The following GIT2 variants were observed in gnomAD, a reference collection of about 807,000 sequenced individuals.
GIT2 encodes ARF GTPase-activating protein GIT2.
Under a neutral mutation model 100.3 loss-of-function variants are expected in GIT2, and 32 were observed. That is an observed-to-expected ratio of 0.32 (90% confidence interval 0.24 to 0.43). The LOEUF (loss-of-function observed/expected upper bound fraction) is 0.43, where lower values mean the gene tolerates loss of function less well. GIT2 is among the 20% of genes least tolerant of loss of function. The pLI, the probability that GIT2 is intolerant of heterozygous loss-of-function variation, is 1.00. For missense variants in GIT2, 737 were observed against 975.1 expected, an observed-to-expected ratio of 0.76 and a Z score of 3.25; for synonymous variants, 353 against 364.1, an observed-to-expected ratio of 0.97 and a Z score of 0.35.
chr12:109,980,382 TTTA>T (rs1171189970), intron 7 of GIT2, among the ~76,000 whole-genome samples: 1 of 151,984 alleles, frequency 6.6e-6, no homozygotes, highest in East Asian at 1.9e-4. Context: ...GCTTTATTTA[TTTA>T]TTTATTTATT....
chr12:109,989,535 C>T (rs1888006050), intron 3 of GIT2, among the ~76,000 whole-genome samples, 155 bp downstream of exon 3: 1 of 152,216 alleles, frequency 6.6e-6, no homozygotes, highest in Non-Finnish European at 1.5e-5. Context: ...TGCCCCACCC[C>T]ATTCTGCATT....
At chr12:109,995,247 T>C (rs1889125753) in intron 1 of GIT2, among the ~76,000 whole-genome samples, 1 of 152,214 alleles carries the variant, frequency 6.6e-6, no homozygotes, top group South Asian at 2.1e-4. Context: ...AATGTGAATA[T>C]TATGTATGAA....
Position 109,933,910 on chromosome 12 carries a change from T to C in GIT2, c.2067+112A>G, listed in dbSNP as rs1872277661. The C allele has an allele frequency of 2.7e-6, 2 of 741,636 alleles. No individual in the cohort carries two copies. The highest frequency in any genetic ancestry group is 3.5e-5 in the African/African-American group (2 of 57,470). 45.9% of individuals were successfully genotyped at this position (741,636 alleles called of 1,614,324 possible). A position where few individuals can be genotyped will look rare whatever the true frequency, so the allele number is the denominator to read the frequency against. Reference sequence around the variant, plus strand: ...GCCACCACACCCGGCCTCGACTGCATATTTTAAAACTGCATGTGCTACAAA... The same window carrying C: ...GCCACCACACCCGGCCTCGACTGCACATTTTAAAACTGCATGTGCTACAAA... On this transcript the variant is annotated intron_variant, in intron 19 of 19. Coordinates refer to ENST00000355312, the MANE Select transcript of GIT2 (RefSeq NM_057169.5). The surrounding 1 kb of genome is among the most constrained non-coding windows in gnomAD (Gnocchi z 4.5).
chr12:109,988,808 G>A (rs992068451), intron 4 of GIT2, among the ~76,000 whole-genome samples, 155 bp downstream of exon 4: 2 of 142,200 alleles, frequency 1.4e-5, no homozygotes, highest in African/African-American at 2.7e-5. Context: ...AGCCAAGATC[G>A]CGCCACTGTA....
intron 4 of GIT2, among the ~76,000 whole-genome samples, chr12:109,987,210 G>C (rs1182653211): frequency 6.6e-6 from 1 of 150,592 alleles, no homozygotes; most frequent in Non-Finnish European, 1.5e-5. Context: ...GTGAAACCCT[G>C]TCTCTACTAA....
chr12:109,965,572 A>G lies in GIT2; in HGVS notation c.770T>C (p.Leu257Pro). Residue 257 changes from leucine (L) to proline (P), a missense_variant, in exon 9 of 20, where the codon CTG becomes CCG. Transcript: ENST00000355312. ...FIIPQMADSS[L>P]DLSELAKAAK... is the part of the protein sequence containing the mutation. Reference sequence around the variant, plus strand: ...AGCTTTTGCCAATTCAGACAAATCCAGGCTGCTAAGAAAACATACAAAGCT... The same window carrying G: ...AGCTTTTGCCAATTCAGACAAATCCGGGCTGCTAAGAAAACATACAAAGCT... The G allele has an allele frequency of 6.3e-7, 1 of 1,589,176 alleles. No homozygotes were observed. Among genetic ancestry groups the G allele is most frequent in the African/African-American group, 1.3e-5 (1 of 74,478 alleles).
intron 16 of GIT2, among the ~76,000 whole-genome samples, chr12:109,944,561 A>G (rs1218921228): frequency 6.6e-6 from 1 of 152,128 alleles, no homozygotes; most frequent in Non-Finnish European, 1.5e-5. Context: ...ACTTACCCAA[A>G]CGCTGTGTAT....
chr12:109,954,762 G>A (rs1878922481), intron 12 of GIT2, among the ~76,000 whole-genome samples: 1 of 151,896 alleles, frequency 6.6e-6, no homozygotes, highest in South Asian at 2.1e-4. Context: ...AGCTGGGCGT[G>A]GTGGTGCACA....
At chr12:109,944,565 T>C (rs1021944736) in intron 16 of GIT2, among the ~76,000 whole-genome samples, 4 of 152,216 alleles carry the variant, frequency 2.6e-5, no homozygotes, top group African/African-American at 9.6e-5. Flanking sequence ...ACCCAAACGC[T>C]GTGTATGGAG....
upstream of GIT2, chr12:109,999,591 T>C (rs1254650473): frequency 2.1e-5 from 22 of 1,034,600 alleles, no homozygotes; most frequent in Non-Finnish European, 2.9e-5. The surrounding 1 kb of genome is among the most constrained non-coding windows in gnomAD (Gnocchi z 4.3). Flanking sequence ...CTACGCTCGC[T>C]TGCTCGCCGG....
At chr12:109,945,108 A>C (rs2136219501) in intron 16 of GIT2, 152 bp downstream of exon 16, 1 of 603,594 alleles carries the variant, frequency 1.7e-6, no homozygotes, top group Middle Eastern at 4.4e-4. Context: ...GACGAGTGTG[A>C]GCCTGATGCA....
At chr12:109,941,670 C>T (rs1041416520) in intron 16 of GIT2, among the ~76,000 whole-genome samples, 1 of 151,786 alleles carries the variant, frequency 6.6e-6, no homozygotes, top group South Asian at 2.1e-4. Flanking sequence ...TACAGGCATG[C>T]ACCACCATAC....
chr12:109,999,827 G>A (rs2137059552), upstream of GIT2: 2 of 1,477,560 alleles, frequency 1.4e-6, no homozygotes, highest in African/African-American at 1.4e-5. The surrounding 1 kb of genome is among the most constrained non-coding windows in gnomAD (Gnocchi z 4.3). Flanking sequence ...GGGGACTTCG[G>A]GGAATCGGGG....
At chr12:109,976,085 G>A (rs943473326) in intron 7 of GIT2, among the ~76,000 whole-genome samples, 1 of 148,626 alleles carries the variant, frequency 6.7e-6, no homozygotes, top group Admixed American at 6.7e-5. Flanking sequence ...TTCTTTCAGT[G>A]GTTATGGTAG....
chr12:109,944,769 C>T (rs1875808512), intron 16 of GIT2, among the ~76,000 whole-genome samples: 1 of 150,234 alleles, frequency 6.7e-6, no homozygotes. Flanking sequence ...GATGCAGGGA[C>T]TTGTAAACCT....
At chr12:109,949,050 G>A in intron 14 of GIT2, 2 of 577,178 alleles carry the variant, frequency 3.5e-6, no homozygotes, top group East Asian at 2.9e-5. Context: ...CTGTTTCTCT[G>A]AAGAGCAAGC....
At chr12:109,970,491 T>C (rs997870506) in intron 7 of GIT2, among the ~76,000 whole-genome samples, 5 of 152,144 alleles carry the variant, frequency 3.3e-5, no homozygotes, top group Admixed American at 6.5e-5. Context: ...AGACTCCGTC[T>C]TAAAAAAACA....
chr12:109,977,894 T>C (rs992716857), intron 7 of GIT2, among the ~76,000 whole-genome samples: 1 of 152,122 alleles, frequency 6.6e-6, no homozygotes, highest in African/African-American at 2.4e-5. Flanking sequence ...ATCATTCAAA[T>C]CACTGTTTTT....
upstream of GIT2, among the ~76,000 whole-genome samples, chr12:110,000,035 A>G (rs1335330697): frequency 6.6e-6 from 1 of 152,186 alleles, no homozygotes; most frequent in African/African-American, 2.4e-5. Context: ...TCCACTGGAC[A>G]GAGAAGGAAA....
Sources: gnomAD v4.1 joint callset for allele counts (sites outside exome capture counted in the v4.1 genomes callset) on GRCh38, gnomAD v4.1.1 for gene constraint, Gnocchi (gnomAD v3.1) non-coding constraint, MANE v1.5 for transcripts, NCBI Gene and HGNC (gene_info 2026-07-23, HGNC 2026-07-21) for gene names.